COMMD1: variants seen among roughly 807,000 people sequenced by gnomAD.
COMMD1 encodes copper metabolism domain containing 1.
COMMD1 carries 10 observed loss-of-function variants against 17.2 expected under a neutral mutation model. That is an observed-to-expected ratio of 0.58 (90% CI 0.36 to 0.99). COMMD1 has a LOEUF of 0.99. Ranked by LOEUF, COMMD1 falls within the 50% of genes least tolerant of loss-of-function variation. The pLI is 0.01. For missense variants in COMMD1, 270 were observed against 231.8 expected, an observed-to-expected ratio of 1.17 and a Z score of -1.07; for synonymous variants, 97 against 91.6, an observed-to-expected ratio of 1.06 and a Z score of -0.34.
intron 2 of COMMD1, among the ~76,000 whole-genome samples, chr2:62,101,822 G>T (rs1049683303): frequency 6.6e-6 from 1 of 152,134 alleles, no homozygotes. Context: ...ACCTCAGTGT[G>T]CTCGTCACCT....
At chr2:62,032,973 T>C (rs1669948308) in intron 2 of COMMD1, among the ~76,000 whole-genome samples, 1 of 152,202 alleles carries the variant, frequency 6.6e-6, no homozygotes, top group Non-Finnish European at 1.5e-5. Flanking sequence ...TTTCTCCATG[T>C]TGGTGAGGCT....
chr2:62,052,310 T>C (rs1670559289), intron 2 of COMMD1, among the ~76,000 whole-genome samples: 1 of 151,966 alleles, frequency 6.6e-6, no homozygotes, highest in Non-Finnish European at 1.5e-5. Flanking sequence ...AATTAGCCAG[T>C]CTTATAACCT....
chr2:62,058,519 T>A (rs2103933692), intron 2 of COMMD1, among the ~76,000 whole-genome samples: 1 of 152,182 alleles, frequency 6.6e-6, no homozygotes, highest in South Asian at 2.1e-4. Context: ...CTTATACCTG[T>A]AATTGCAGCA....
intron 2 of COMMD1, among the ~76,000 whole-genome samples, chr2:62,013,276 A>T (rs1669338414): frequency 6.6e-6 from 1 of 152,158 alleles, no homozygotes; most frequent in African/African-American, 2.4e-5. Flanking sequence ...AAAAATACAA[A>T]ACAACAAAAA....
chr2:61,968,239 A>T (rs552378392), intron 1 of COMMD1, among the ~76,000 whole-genome samples: 2 of 152,292 alleles, frequency 1.3e-5, no homozygotes, highest in East Asian at 3.9e-4. Context: ...AGATTTAGTA[A>T]GGTTGAACCA....
chr2:61,912,687 A>G (rs962142113), intron 1 of COMMD1, among the ~76,000 whole-genome samples: 3 of 151,418 alleles, frequency 2.0e-5, no homozygotes, highest in Non-Finnish European at 2.9e-5. Context: ...GTGAGCCGAG[A>G]TCGTGCCACT....
intron 1 of COMMD1, among the ~76,000 whole-genome samples, chr2:61,943,919 G>T (rs996182303): frequency 3.9e-5 from 6 of 152,094 alleles, no homozygotes; most frequent in African/African-American, 9.7e-5. Flanking sequence ...TAATTTTCTC[G>T]AGAGTTCCCT....
At chr2:61,911,681 C>T (rs1669911983) in intron 1 of COMMD1, among the ~76,000 whole-genome samples, 1 of 152,166 alleles carries the variant, frequency 6.6e-6, no homozygotes, top group Non-Finnish European at 1.5e-5. Flanking sequence ...TAGTGGCCTT[C>T]CTGTTCCACT....
At chr2:61,891,281 A>G (rs896876540) in intron 1 of COMMD1, among the ~76,000 whole-genome samples, 7 of 152,208 alleles carry the variant, frequency 4.6e-5, no homozygotes, top group Admixed American at 6.5e-5. Context: ...GACATGCTTT[A>G]AGTATCTGAA....
intron 2 of COMMD1, among the ~76,000 whole-genome samples, chr2:62,130,148 C>T (rs1377293723): frequency 7.1e-6 from 1 of 140,092 alleles, no homozygotes; most frequent in Non-Finnish European, 1.5e-5. Context: ...GAGCGAGACT[C>T]TGTCTCAAAA....
chr2:62,069,793 T>G (rs1383987058), intron 2 of COMMD1: 4 of 152,214 alleles, frequency 2.6e-5, no homozygotes, highest in Admixed American at 2.6e-4. Flanking sequence ...CCTAAAATTA[T>G]CACTTGTGGC....
chr2:61,897,413 C>T (rs1669572107), intron 1 of COMMD1, among the ~76,000 whole-genome samples: 1 of 152,140 alleles, frequency 6.6e-6, no homozygotes, highest in Non-Finnish European at 1.5e-5. Context: ...TGTTTTGTTA[C>T]AGAGCTCCAG....
intron 2 of COMMD1, among the ~76,000 whole-genome samples, chr2:62,017,873 T>A (rs1669496840): frequency 6.6e-6 from 1 of 151,636 alleles, no homozygotes. Context: ...GAAGACCCCA[T>A]CTCTACAAAA....
chr2:62,022,526 G>A (rs1558566329), intron 2 of COMMD1, among the ~76,000 whole-genome samples: 1 of 148,508 alleles, frequency 6.7e-6, no homozygotes, highest in Non-Finnish European at 1.5e-5. Flanking sequence ...CAAATCATAA[G>A]GGTAAAGTAT....
At chr2:62,085,394 T>G (rs1671632284) in intron 2 of COMMD1, among the ~76,000 whole-genome samples, 1 of 152,020 alleles carries the variant, frequency 6.6e-6, no homozygotes, top group Non-Finnish European at 1.5e-5. Context: ...ATTTTTTGTA[T>G]TTTTAGTAGA....
At chr2:62,075,786 A>G (rs946951270) in intron 2 of COMMD1, among the ~76,000 whole-genome samples, 4 of 152,274 alleles carry the variant, frequency 2.6e-5, no homozygotes, top group African/African-American at 9.6e-5. Context: ...CTTGCTCAGT[A>G]TAGCAGCTCA....
intron 2 of COMMD1, among the ~76,000 whole-genome samples, chr2:62,082,301 A>G (rs376428319): frequency 1.3e-5 from 2 of 152,184 alleles, no homozygotes; most frequent in Non-Finnish European, 2.9e-5. Flanking sequence ...AAATGTTCTC[A>G]TACTGCATTA....
rs191381662 is a variant in COMMD1, at chr2:61,922,164, A to C, written c.180+16306A>C. ...ATTAGAAAACTTGGTGATTTTTGGC[A>C]TTTAACTGTGATGTGGAATTATGTT... On this transcript the variant is annotated intron_variant, in intron 1 of 2. Transcript: ENST00000311832. 2.0e-5 allele frequency among the ~76,000 whole-genome samples: 3 copies of C among 152,300 alleles called. No individual in the cohort carries two copies. The East Asian group carries it at 5.8e-4, about 29-fold the overall frequency.
intron 2 of COMMD1, among the ~76,000 whole-genome samples, chr2:62,008,451 A>T (rs1044327811): frequency 6.6e-6 from 1 of 152,166 alleles, no homozygotes; most frequent in Non-Finnish European, 1.5e-5. Context: ...TAAGGATAGG[A>T]TATAGGGATT....
Sources: allele counts gnomAD v4.1 joint callset (sites outside exome capture counted in the v4.1 genomes callset), GRCh38; gene constraint gnomAD v4.1.1; transcripts MANE v1.5; gene names NCBI Gene and HGNC (gene_info 2026-07-23, HGNC 2026-07-21).